Variants in EPHA6 observed in about 807,000 individuals in gnomAD.
EPHA6 encodes the protein ephrin type-A receptor 6.
Under a neutral mutation model 112.0 loss-of-function variants are expected in EPHA6, and 50 were observed. The observed-to-expected ratio is 0.45, with a 90% CI of 0.36 to 0.56. The LOEUF (loss-of-function observed/expected upper bound fraction) is 0.56, where lower values mean the gene tolerates loss of function less well. EPHA6 is among the 20% of genes least tolerant of loss of function. The pLI, the probability that EPHA6 is intolerant of heterozygous loss-of-function variation, is 0.00. For synonymous variants in EPHA6, 529 were observed against 490.7 expected (o/e 1.08, Z -1.03); for missense variants, 1,280 against 1,417.4 (o/e 0.90, Z 1.56).
At chr3:97,341,838 G>A (rs906186226) in intron 5 of EPHA6, among the ~76,000 whole-genome samples, 6 of 151,982 alleles carry the variant, frequency 3.9e-5, no homozygotes, top group African/African-American at 1.5e-4. Context: ...TATTACCCCA[G>A]CAAAATCAGT....
chr3:97,465,691 T>C (rs1387355953), intron 7 of EPHA6, among the ~76,000 whole-genome samples: 5 of 151,972 alleles, frequency 3.3e-5, no homozygotes, highest in African/African-American at 9.7e-5. Context: ...AAAAGAAATA[T>C]ACTTGGGTCC....
chr3:97,676,931 G>T (rs1391491325), intron 14 of EPHA6, among the ~76,000 whole-genome samples: 2 of 152,134 alleles, frequency 1.3e-5, no homozygotes, highest in Admixed American at 6.5e-5. Context: ...TAGAAGACTG[G>T]GAAAATAAGT....
intron 13 of EPHA6, among the ~76,000 whole-genome samples, 184 bp from the exon 14 acceptor site, chr3:97,637,688 AT>A (rs144141469): frequency 2.6e-5 from 4 of 151,950 alleles, no homozygotes; most frequent in African/African-American, 9.7e-5. Flanking sequence ...TTCCAGTTAA[AT>A]TTTCCCTTTT....
chr3:97,234,270 T>C (rs2078617280), intron 4 of EPHA6, among the ~76,000 whole-genome samples: 1 of 152,110 alleles, frequency 6.6e-6, no homozygotes, highest in Non-Finnish European at 1.5e-5. Flanking sequence ...TTGTTTCTGC[T>C]AACTCCTTCC....
intron 3 of EPHA6, among the ~76,000 whole-genome samples, chr3:97,071,527 G>T (rs891193590): frequency 6.6e-6 from 1 of 151,908 alleles, no homozygotes; most frequent in African/African-American, 2.4e-5. Flanking sequence ...GAGAAAATGA[G>T]GAAGAAGCAA....
Position 96,950,756 on chromosome 3 carries a change from T to C in EPHA6, c.451-36574T>C, listed in dbSNP as rs543213638. Among the ~76,000 whole-genome samples, 7 of 152,302 alleles carry C rather than the reference T, an allele frequency of 4.6e-5. No homozygotes were observed. The South Asian group carries it at 1.4e-3, about 32-fold the overall frequency. ...ACTTCATCCACTTTTTATTACTGTT[T>C]GTATTTATATTGCTATATACACATC... On this transcript the variant is annotated intron_variant, in intron 2 of 17. Transcript: ENST00000389672.
intron 3 of EPHA6, among the ~76,000 whole-genome samples, chr3:97,128,997 C>T (rs2048262081): frequency 6.6e-6 from 1 of 151,702 alleles, no homozygotes; most frequent in African/African-American, 2.4e-5. Context: ...CCTCAGCCTC[C>T]CAAATAGCTG....
intron 16 of EPHA6, among the ~76,000 whole-genome samples, chr3:97,736,701 C>G (rs2035278373): frequency 6.6e-6 from 1 of 151,588 alleles, no homozygotes. Flanking sequence ...AATGGAGGCA[C>G]TCATACACCA....
At chr3:97,204,445 A>G (rs2077662744) in intron 3 of EPHA6, among the ~76,000 whole-genome samples, 2 of 152,090 alleles carry the variant, frequency 1.3e-5, no homozygotes, top group South Asian at 4.1e-4. Flanking sequence ...CGTTCCACAG[A>G]TGAGAAAAAT....
chr3:97,034,089 C>G (rs1239116494), intron 3 of EPHA6, among the ~76,000 whole-genome samples: 1 of 151,776 alleles, frequency 6.6e-6, no homozygotes, highest in African/African-American at 2.4e-5. Context: ...AGTCTACAGT[C>G]TAATTGGGAA....
chr3:96,994,728 TATATAGAGAGAG>T (rs1559653654), intron 3 of EPHA6, among the ~76,000 whole-genome samples: 1 of 78,850 alleles, frequency 1.3e-5, no homozygotes. Flanking sequence ...TATATATATA[TATATAGAGAGAG>T]AGAGAGAGAG....
intron 3 of EPHA6, among the ~76,000 whole-genome samples, chr3:97,096,275 C>CCA (rs58752429): frequency 0.21 from 31,451 of 147,646 alleles, 4,044 homozygotes; most frequent in African/African-American, 0.36. Flanking sequence ...ACATACACAC[C>CCA]CACACACACA....
chr3:97,391,043 T>C (rs1020713885), intron 5 of EPHA6, among the ~76,000 whole-genome samples: 14 of 152,132 alleles, frequency 9.2e-5, no homozygotes, highest in African/African-American at 3.4e-4. Context: ...TTTAAATCAA[T>C]ACTGCATGTT....
intron 5 of EPHA6, among the ~76,000 whole-genome samples, chr3:97,364,877 G>C (rs181291268): frequency 6.6e-6 from 1 of 152,020 alleles, no homozygotes; most frequent in Non-Finnish European, 1.5e-5. Flanking sequence ...GAGGTGTCTA[G>C]GCCTTTTAAA....
chr3:97,645,013 A>C (rs1173158641), intron 14 of EPHA6, among the ~76,000 whole-genome samples: 2 of 152,020 alleles, frequency 1.3e-5, no homozygotes, highest in Admixed American at 6.6e-5. Context: ...AATATCCTTG[A>C]TGAACATTGA....
chr3:96,841,519 T>C (rs1055567809), intron 1 of EPHA6, among the ~76,000 whole-genome samples: 2 of 152,034 alleles, frequency 1.3e-5, no homozygotes, highest in East Asian at 3.9e-4. Context: ...TGAATGTAGA[T>C]CAGAAGAAAT....
chr3:97,625,445 A>C (rs1452594547), intron 13 of EPHA6, among the ~76,000 whole-genome samples: 4 of 151,678 alleles, frequency 2.6e-5, no homozygotes, highest in African/African-American at 9.7e-5. Flanking sequence ...TTGATACTTA[A>C]ATTTATTGTC....
chr3:97,300,596 A>G (rs968519905), intron 5 of EPHA6, among the ~76,000 whole-genome samples: 2 of 152,152 alleles, frequency 1.3e-5, no homozygotes, highest in Non-Finnish European at 2.9e-5. Flanking sequence ...GCATATGACT[A>G]GAGCTTTTGC....
At chr3:97,567,139 T>C (rs1010681142) in intron 11 of EPHA6, among the ~76,000 whole-genome samples, 1 of 152,214 alleles carries the variant, frequency 6.6e-6, no homozygotes, top group African/African-American at 2.4e-5. Context: ...TGTTGTAGTG[T>C]AGAAAGAGCA....
Sources: allele counts gnomAD v4.1 joint callset (sites outside exome capture counted in the v4.1 genomes callset), GRCh38; gene constraint gnomAD v4.1.1; transcripts MANE v1.5; gene names NCBI Gene and HGNC (gene_info 2026-07-23, HGNC 2026-07-21).